Variants in KCNQ3 observed in about 807,000 individuals in gnomAD.
KCNQ3 encodes the protein potassium voltage-gated channel subfamily KQT member 3.
Under a neutral mutation model 92.5 loss-of-function variants are expected in KCNQ3, and 30 were observed. The ratio of observed to expected loss-of-function variants is 0.32; its 90% CI spans 0.24 to 0.44. KCNQ3 has a LOEUF of 0.44. KCNQ3 is among the 20% of genes least tolerant of loss of function. The pLI is 1.00. For synonymous variants in KCNQ3, 450 were observed against 468.8 expected (o/e 0.96, Z 0.52); for missense variants, 913 against 1,140.3 (o/e 0.80, Z 2.87).
chr8:132,160,925 G>C (rs911454630), intron 9 of KCNQ3, among the ~76,000 whole-genome samples: 1 of 152,144 alleles, frequency 6.6e-6, no homozygotes, highest in Non-Finnish European at 1.5e-5. Flanking sequence ...AGGGCATCAT[G>C]AGTTGGGCAT....
Position 132,480,678 on chromosome 8 carries a change from C to CCA in KCNQ3, c.-148_-147dup. 1 of 900,236 alleles carries CCA rather than the reference C, an allele frequency of 1.1e-6. No individual in the cohort carries two copies. Among genetic ancestry groups the CCA allele is most frequent in the Non-Finnish European group, 1.4e-6 (1 of 740,236 alleles). 55.8% of individuals were successfully genotyped at this position (900,236 alleles called of 1,614,324 possible). A position where few individuals can be genotyped will look rare whatever the true frequency, so the allele number is the denominator to read the frequency against. ...TCCGCGCGCCCCTCCCCACCCCCCCCCAAAAGCAGGCAAAGGCGGGCCCCC... is the reference window on the plus strand; with the variant it reads ...TCCGCGCGCCCCTCCCCACCCCCCCCCACAAAAGCAGGCAAAGGCGGGCCCCC... On this transcript the variant is annotated 5_prime_UTR_variant, in exon 1 of 15. Transcript: ENST00000388996.
chr8:132,397,378 A>G (rs1820220287), intron 1 of KCNQ3, among the ~76,000 whole-genome samples: 1 of 152,176 alleles, frequency 6.6e-6, no homozygotes, highest in African/African-American at 2.4e-5. Flanking sequence ...ACTAGATTCC[A>G]TTAAGGCCTT....
In KCNQ3 at chr8:132,149,951, A is replaced by G. The variant is rs940826818; in HGVS notation, c.1263-8620T>C. ...CTCCCTGGTGCAGAAACCATTTGCC[A>G]TAAGAATAAGAGGTTCTTCCCCCAG... is the stretch of plus-strand genomic sequence containing the variant. On this transcript the variant is annotated intron_variant, in intron 9 of 14. Coordinates refer to ENST00000388996, the MANE Select transcript of KCNQ3 (RefSeq NM_004519.4). Among the ~76,000 whole-genome samples, 3 of 152,298 alleles carry G rather than the reference A, an allele frequency of 2.0e-5. No homozygotes were observed. In the East Asian group the frequency reaches 5.8e-4, roughly 29 times the overall value.
chr8:132,364,860 G>T (rs1819275477), intron 1 of KCNQ3, among the ~76,000 whole-genome samples: 1 of 152,004 alleles, frequency 6.6e-6, no homozygotes, highest in Non-Finnish European at 1.5e-5. Context: ...AGTATTTTTG[G>T]GGTATATTTA....
chr8:132,376,018 C>T (rs769778968), intron 1 of KCNQ3, among the ~76,000 whole-genome samples: 15 of 152,290 alleles, frequency 9.8e-5, no homozygotes, highest in East Asian at 1.9e-4. Flanking sequence ...TGAGTTAGCA[C>T]GAAGCCCAGG....
intron 1 of KCNQ3, among the ~76,000 whole-genome samples, chr8:132,462,693 T>C (rs1246226461): frequency 6.6e-6 from 1 of 152,212 alleles, no homozygotes; most frequent in African/African-American, 2.4e-5. Flanking sequence ...ATACTTTTAC[T>C]GAGGCTCTTT....
intron 8 of KCNQ3, among the ~76,000 whole-genome samples, chr8:132,169,507 C>G (rs1826248071): frequency 6.6e-6 from 1 of 152,218 alleles, no homozygotes; most frequent in Non-Finnish European, 1.5e-5. Context: ...GAAACAGCGT[C>G]TCTGGGTGGC....
intron 1 of KCNQ3, among the ~76,000 whole-genome samples, chr8:132,389,878 T>C (rs1372472514): frequency 6.6e-6 from 1 of 152,240 alleles, no homozygotes; most frequent in Admixed American, 6.5e-5. Context: ...ATGTAATGTA[T>C]TTGAAGATTA....
chr8:132,334,757 C>T lies in KCNQ3; in HGVS notation c.386+145390G>A, dbSNP rs76139229. On this transcript the variant is annotated intron_variant, in intron 1 of 14. Transcript: ENST00000388996. ...AAGAGCGTTTCTTGTAGGGAAGTTT[C>T]GCTCCTTGATCTTCAGCCCAGACAA... Among the ~76,000 whole-genome samples, 32 of 152,192 alleles carry T rather than the reference C, an allele frequency of 2.1e-4. 1 individual carries two copies. The East Asian group carries it at 5.2e-3, about 25-fold the overall frequency.
chr8:132,281,328 C>A (rs1816504994), intron 1 of KCNQ3, among the ~76,000 whole-genome samples: 1 of 152,102 alleles, frequency 6.6e-6, no homozygotes, highest in African/African-American at 2.4e-5. Context: ...TGCTCTGGCA[C>A]CTCAAAAGCA....
intron 1 of KCNQ3, among the ~76,000 whole-genome samples, chr8:132,298,814 C>A (rs1817126761): frequency 1.3e-5 from 2 of 152,070 alleles, no homozygotes; most frequent in African/African-American, 4.8e-5. Context: ...AAGGCTGAGG[C>A]AGAGAATCCT....
chr8:132,404,990 G>A lies in KCNQ3; in HGVS notation c.386+75157C>T, dbSNP rs185580314. The stretch of plus-strand genomic sequence containing the variant: ...ACCACAATTCAGAGACAAAGCAAGG[G>A]TCTTGCTGTGTTGAGTACACATCTG... On this transcript the variant is annotated intron_variant, in intron 1 of 14. Coordinates refer to ENST00000388996, the MANE Select transcript of KCNQ3 (RefSeq NM_004519.4). Among the ~76,000 whole-genome samples the A allele has an allele frequency of 1.4e-3, 207 of 152,294 alleles. 1 individual carries two copies. Among genetic ancestry groups the A allele is most frequent in the Non-Finnish European group, 1.9e-3 (132 of 68,030 alleles).
At chr8:132,138,044 C>T in intron 11 of KCNQ3, 28 bp from the exon 12 acceptor site, 1 of 1,602,746 alleles carries the variant, frequency 6.2e-7, no homozygotes, top group Non-Finnish European at 8.5e-7. Flanking sequence ...GGCATTTGTG[C>T]ATCCCATGTG....
At chr8:132,479,540 T>C (rs552029100) in intron 1 of KCNQ3, among the ~76,000 whole-genome samples, 1 of 152,082 alleles carries the variant, frequency 6.6e-6, no homozygotes, top group South Asian at 2.1e-4. Flanking sequence ...AGAACATGCA[T>C]TTTGGCCAGT....
At chr8:132,332,354 C>G (rs536547778) in intron 1 of KCNQ3, among the ~76,000 whole-genome samples, 1 of 152,332 alleles carries the variant, frequency 6.6e-6, no homozygotes, top group Non-Finnish European at 1.5e-5. Context: ...ATAAGCCATG[C>G]TCCCATCAGA....
At chr8:132,240,590 C>T (rs1814963672) in intron 1 of KCNQ3, among the ~76,000 whole-genome samples, 1 of 152,198 alleles carries the variant, frequency 6.6e-6, no homozygotes, top group Admixed American at 6.5e-5. Flanking sequence ...GGAAGGCAAC[C>T]AACACCTATC....
Position 132,127,649 on chromosome 8 carries a change from G to A in KCNQ3, c.*1613C>T, listed in dbSNP as rs1440110988. 1 of 152,190 alleles carries A rather than the reference G, an allele frequency of 6.6e-6. No individual in the cohort carries two copies. 9.4% of individuals were successfully genotyped at this position (152,190 alleles called of 1,614,324 possible). ...CTGGATTATCTTGATTGTCACCATG[G>A]CAACTATCCACAACCAGTGCCTAGG... On this transcript the variant is annotated 3_prime_UTR_variant, in exon 15 of 15. Coordinates refer to ENST00000388996, the MANE Select transcript of KCNQ3 (RefSeq NM_004519.4).
intron 1 of KCNQ3, among the ~76,000 whole-genome samples, chr8:132,398,578 C>T (rs1292530356): frequency 6.6e-6 from 1 of 152,150 alleles, no homozygotes; most frequent in Non-Finnish European, 1.5e-5. Flanking sequence ...CTTGCATAAG[C>T]CTTTGCCCCT....
intron 1 of KCNQ3, among the ~76,000 whole-genome samples, chr8:132,204,425 C>T (rs895038503): frequency 2.0e-5 from 3 of 152,238 alleles, no homozygotes; most frequent in Non-Finnish European, 4.4e-5. Flanking sequence ...GAAATAACAT[C>T]TCACATCTGG....
Sources: allele counts gnomAD v4.1 joint callset (sites outside exome capture counted in the v4.1 genomes callset), GRCh38; gene constraint gnomAD v4.1.1; transcripts MANE v1.5; gene names NCBI Gene and HGNC (gene_info 2026-07-23, HGNC 2026-07-21).